LIMS1: variants seen among roughly 807,000 people sequenced by gnomAD.
LIMS1 encodes LIM zinc finger domain containing 1.
In LIMS1, 18 loss-of-function variants were observed where a neutral mutation model predicts 44.1. The observed-to-expected ratio is 0.41, with a 90% CI of 0.28 to 0.61. LIMS1 has a LOEUF of 0.61. LIMS1 is among the 20% of genes least tolerant of loss of function. LIMS1 has a pLI of 0.32. For missense variants in LIMS1, 201 were observed against 422.0 expected, an observed-to-expected ratio of 0.48 and a Z score of 4.59; for synonymous variants, 93 against 149.1, an observed-to-expected ratio of 0.62 and a Z score of 2.74.
intron 1 of LIMS1, among the ~76,000 whole-genome samples, chr2:108,573,046 T>C (rs907487060): frequency 6.6e-6 from 1 of 152,226 alleles, no homozygotes; most frequent in Non-Finnish European, 1.5e-5. Flanking sequence ...TTCTAGTCTA[T>C]TGTTAAGTGA....
intron 1 of LIMS1, among the ~76,000 whole-genome samples, chr2:108,569,187 G>A (rs1685398594): frequency 6.6e-6 from 1 of 152,104 alleles, no homozygotes; most frequent in Non-Finnish European, 1.5e-5. Context: ...CACCGCACCT[G>A]GCCGTGTTGT....
intron 1 of LIMS1, among the ~76,000 whole-genome samples, chr2:108,590,385 T>C (rs1016108176): frequency 3.3e-5 from 5 of 152,220 alleles, no homozygotes; most frequent in Non-Finnish European, 5.9e-5. Context: ...TTTGGTCTTT[T>C]AGTTGATAAA....
At chr2:108,580,674 A>G (rs1319763977) in intron 1 of LIMS1, among the ~76,000 whole-genome samples, 1 of 152,234 alleles carries the variant, frequency 6.6e-6, no homozygotes, top group Non-Finnish European at 1.5e-5. Flanking sequence ...TAAGAGGCAG[A>G]GAAGAAAGGA....
chr2:108,620,393 G>A (rs1480774431), intron 1 of LIMS1, among the ~76,000 whole-genome samples: 11 of 152,300 alleles, frequency 7.2e-5, no homozygotes, highest in Non-Finnish European at 2.9e-5. Flanking sequence ...GAGGTAGCCT[G>A]TATTTGTGGT....
chr2:108,553,332 C>T (rs1684823100), intron 1 of LIMS1, among the ~76,000 whole-genome samples: 1 of 152,160 alleles, frequency 6.6e-6, no homozygotes, highest in Non-Finnish European at 1.5e-5. Context: ...AATCATTGCT[C>T]CACGATTGAA....
intron 1 of LIMS1, among the ~76,000 whole-genome samples, chr2:108,629,893 A>T (rs1324210876): frequency 4.6e-5 from 7 of 152,126 alleles, no homozygotes; most frequent in Non-Finnish European, 8.8e-5. Flanking sequence ...GGAGATCAAG[A>T]TTTGAAAACC....
intron 1 of LIMS1, among the ~76,000 whole-genome samples, chr2:108,591,340 C>A (rs1354909736): frequency 6.6e-6 from 1 of 152,030 alleles, no homozygotes; most frequent in Non-Finnish European, 1.5e-5. Context: ...TGCGGTGGGG[C>A]CTGAACCTGG....
At chr2:108,549,298 T>C (rs1188751677) in intron 1 of LIMS1, among the ~76,000 whole-genome samples, 2 of 125,534 alleles carry the variant, frequency 1.6e-5, no homozygotes, top group African/African-American at 6.2e-5. Context: ...TTTTTTTTTT[T>C]TTTTTTTTTT....
chr2:108,588,574 G>C, intron 1 of LIMS1: 1 of 985,540 alleles, frequency 1.0e-6, no homozygotes, highest in Non-Finnish European at 1.2e-6. Context: ...GTGGAAGTTT[G>C]AGAGAAGTTT....
At chr2:108,625,652 C>G (rs1407350013) in intron 1 of LIMS1, among the ~76,000 whole-genome samples, 1 of 151,440 alleles carries the variant, frequency 6.6e-6, no homozygotes, top group Non-Finnish European at 1.5e-5. Flanking sequence ...TGGGAAGTTG[C>G]CACACAGCAG....
chr2:108,643,820 G>A (rs903062550), intron 1 of LIMS1, among the ~76,000 whole-genome samples: 1 of 152,202 alleles, frequency 6.6e-6, no homozygotes, highest in African/African-American at 2.4e-5. Context: ...GGATGCTCCA[G>A]CTTGGTTGGG....
chr2:108,677,893 A>T, intron 7 of LIMS1, 86 bp from the exon 8 acceptor site: 1 of 1,530,484 alleles, frequency 6.5e-7, no homozygotes, highest in Non-Finnish European at 8.8e-7. Flanking sequence ...TAAATCCTCA[A>T]TTTAGATAGC....
chr2:108,620,883 C>T (rs950455637), intron 1 of LIMS1, among the ~76,000 whole-genome samples: 30 of 152,050 alleles, frequency 2.0e-4, no homozygotes, highest in Non-Finnish European at 3.1e-4. Context: ...CCCTAAGGAG[C>T]TCACTATAAC....
intron 1 of LIMS1, among the ~76,000 whole-genome samples, chr2:108,623,647 T>C: frequency 6.6e-6 from 1 of 152,214 alleles, no homozygotes; most frequent in East Asian, 1.9e-4. Flanking sequence ...GCATATTTAA[T>C]ATGACCACAG....
At chr2:108,602,140 G>T (rs572485044) in intron 1 of LIMS1, among the ~76,000 whole-genome samples, 1 of 152,240 alleles carries the variant, frequency 6.6e-6, no homozygotes, top group African/African-American at 2.4e-5. Context: ...ACTGACTTTT[G>T]TATGTTGATT....
chr2:108,601,489 G>A (rs1218601039), intron 1 of LIMS1, among the ~76,000 whole-genome samples: 5 of 152,154 alleles, frequency 3.3e-5, no homozygotes, highest in African/African-American at 9.7e-5. Flanking sequence ...ACTTGTTTTT[G>A]CGATTGTCTA....
At chr2:108,553,835 G>T (rs1028340546) in intron 1 of LIMS1, among the ~76,000 whole-genome samples, 5 of 152,154 alleles carry the variant, frequency 3.3e-5, no homozygotes, top group Admixed American at 1.3e-4. Flanking sequence ...TCCAGGATTT[G>T]TGAGAATTAC....
intron 1 of LIMS1, among the ~76,000 whole-genome samples, chr2:108,643,920 G>T (rs1260314655): frequency 6.6e-6 from 1 of 152,202 alleles, no homozygotes; most frequent in Non-Finnish European, 1.5e-5. Flanking sequence ...ACTGGGTGGA[G>T]CCCACTGCAT....
At chr2:108,556,638 G>GT (rs1373909788) in intron 1 of LIMS1, among the ~76,000 whole-genome samples, 1 of 152,028 alleles carries the variant, frequency 6.6e-6, no homozygotes. Flanking sequence ...CCCTTCCTTT[G>GT]TTGGAGGCTG....
Sources: gnomAD v4.1 joint callset for allele counts (sites outside exome capture counted in the v4.1 genomes callset) on GRCh38, gnomAD v4.1.1 for gene constraint, MANE v1.5 for transcripts, NCBI Gene and HGNC (gene_info 2026-07-23, HGNC 2026-07-21) for gene names.